The following CC2D2A variants were observed in gnomAD, a reference collection of about 807,000 sequenced individuals.
The protein encoded by CC2D2A is coiled-coil and C2 domain-containing protein 2A.
In CC2D2A, 155 loss-of-function variants were observed where a neutral mutation model predicts 212.9. The observed-to-expected ratio is 0.73, with a 90% CI of 0.64 to 0.83. The LOEUF (loss-of-function observed/expected upper bound fraction) is 0.83, where lower values mean the gene tolerates loss of function less well. Ranked by LOEUF, CC2D2A falls within the 40% of genes least tolerant of loss-of-function variation. The probability of loss-of-function intolerance (pLI) is 0.00; values close to 1 mark genes in which losing one functional copy is unlikely to be tolerated. For synonymous variants in CC2D2A, 667 were observed against 686.5 expected (o/e 0.97, Z 0.44); for missense variants, 1,856 against 1,956.2 (o/e 0.95, Z 0.97).
intron 6 of CC2D2A, 81 bp from the exon 7 acceptor site, chr4:15,510,057 TG>T (rs915368131): frequency 2.5e-5 from 25 of 999,262 alleles, no homozygotes; most frequent in South Asian, 4.3e-5. Flanking sequence ...GCCTTTGGGA[TG>T]GGGGGGTTAA....
intron 16 of CC2D2A, among the ~76,000 whole-genome samples, chr4:15,540,135 CA>C (rs1271886928): frequency 6.6e-6 from 1 of 151,712 alleles, no homozygotes; most frequent in Non-Finnish European, 1.5e-5. Context: ...ACCCCTCCCC[CA>C]AAAAAAACCT....
At chr4:15,508,754 T>A (rs1290855678) in intron 6 of CC2D2A, among the ~76,000 whole-genome samples, 2 of 152,194 alleles carry the variant, frequency 1.3e-5, no homozygotes, top group African/African-American at 4.8e-5. Context: ...AGGTCCCCAG[T>A]GAAGATGGCA....
intron 28 of CC2D2A, among the ~76,000 whole-genome samples, chr4:15,571,357 A>C (rs1720153001): frequency 6.6e-6 from 1 of 152,230 alleles, no homozygotes; most frequent in South Asian, 2.1e-4. Context: ...ACAACTCTTG[A>C]ATGACTTAGT....
intron 23 of CC2D2A, chr4:15,561,537 G>GT (rs148306182): frequency 0.076 from 11,400 of 149,364 alleles, 548 homozygotes; most frequent in Non-Finnish European, 0.11. Context: ...TTTTCATATT[G>GT]TTTTTTTTTT....
intron 24 of CC2D2A, among the ~76,000 whole-genome samples, chr4:15,566,649 G>A (rs1719893457): frequency 6.6e-6 from 1 of 152,090 alleles, no homozygotes; most frequent in African/African-American, 2.4e-5. Flanking sequence ...TGTCACCACA[G>A]CCACCAGGGC....
chr4:15,492,612 G>C (rs1233831982), intron 4 of CC2D2A: 3 of 439,688 alleles, frequency 6.8e-6, no homozygotes, highest in African/African-American at 6.0e-5. Context: ...GAAATTGTGA[G>C]GAGGGGAGAT....
At chr4:15,558,597 GA>G (rs1342167422) in intron 21 of CC2D2A, among the ~76,000 whole-genome samples, 14 of 151,940 alleles carry the variant, frequency 9.2e-5, no homozygotes, top group Admixed American at 9.2e-4. Context: ...TCAGCCAGCA[GA>G]GGTGTGTCCC....
At chr4:15,476,054 G>T in intron 2 of CC2D2A, 83 bp downstream of exon 2, 1 of 1,185,992 alleles carries the variant, frequency 8.4e-7, no homozygotes, top group Non-Finnish European at 1.2e-6. Flanking sequence ...GAGGAAGTTA[G>T]GCCAACCAGC....
chr4:15,493,506 C>T (rs553869983), intron 4 of CC2D2A, among the ~76,000 whole-genome samples: 1 of 152,262 alleles, frequency 6.6e-6, no homozygotes, highest in African/African-American at 2.4e-5. Flanking sequence ...CTCCTGAGCT[C>T]AAGCAATCTG....
At position 15,476,137 on chromosome 4, in the gene CC2D2A, T is replaced by C. The variant is rs144745158; in HGVS notation, c.39+166T>C. Among the ~76,000 whole-genome samples the C allele has an allele frequency of 3.5e-4, 54 of 152,294 alleles. 1 individual carries two copies. In the East Asian group the frequency reaches 0.01, roughly 29 times the overall value. ...CAGAGTCTAATTGTACAAAGAACGATTTGTGAATTGGGCAGCCCTCAGAAC... is the reference window on the plus strand; with the variant it reads ...CAGAGTCTAATTGTACAAAGAACGACTTGTGAATTGGGCAGCCCTCAGAAC... On this transcript the variant is annotated intron_variant, in intron 2 of 36. Coordinates refer to ENST00000424120, the MANE Select transcript of CC2D2A (RefSeq NM_001378615.1).
chr4:15,557,386 A>G lies in CC2D2A; in HGVS notation c.2708A>G (p.Gln903Arg), dbSNP rs763984077. ...LQQEFNFVSD[Q>R]ELNRSKRFRL... ...CAGGAGTTTAACTTTGTTTCAGATC[A>G]AGAATTAAATAGATCCAAACGATTT... Residue 903 changes from glutamine (Q) to arginine (R), a missense_variant, in exon 21 of 37, where the codon CAA becomes CGA. By Grantham distance (43) the Gln-to-Arg change is conservative. Coordinates refer to ENST00000424120, the MANE Select transcript of CC2D2A (RefSeq NM_001378615.1). The G allele has an allele frequency of 3.8e-5, 62 of 1,613,676 alleles. No individual in the cohort carries two copies. The East Asian group carries it at 1.3e-3, about 35-fold the overall frequency.
At chr4:15,500,103 G>GTATATATATATATA (rs1417025229) in intron 4 of CC2D2A, among the ~76,000 whole-genome samples, 2 of 73,160 alleles carry the variant, frequency 2.7e-5, no homozygotes, top group South Asian at 5.2e-4. Context: ...GTGTGTGTGT[G>GTATATATATATATA]TGTGTATATA....
intron 20 of CC2D2A, 49 bp downstream of exon 20, chr4:15,555,259 C>A: frequency 1.3e-6 from 2 of 1,593,826 alleles, no homozygotes; most frequent in Non-Finnish European, 1.7e-6. Flanking sequence ...GCCTTTTACA[C>A]AATTTTCCTT....
At chr4:15,482,661 G>T (rs910913855) in intron 4 of CC2D2A, among the ~76,000 whole-genome samples, 1 of 152,096 alleles carries the variant, frequency 6.6e-6, no homozygotes, top group South Asian at 2.1e-4. Context: ...GTCAGATTGG[G>T]GGAGAAGGCT....
chr4:15,601,277 A>C lies in CC2D2A; in HGVS notation c.4715A>C (p.Lys1572Thr). The change falls in exon 37 of 37, where the codon AAG becomes ACG. Residue 1572 changes from lysine (K) to threonine (T), a missense_variant. This residue lies in a region of CC2D2A where 285 missense variants were observed against 278.4 expected (regional missense o/e 1.02). Transcript: ENST00000424120. The part of the protein sequence containing the change: ...FPLHMPYSEV[K>T]PLIDAVYSTG... ...CTTCACATGCCTTATTCTGAAGTGA[A>C]GCCTTTAATTGACGCTGTGTATAGT... 6.2e-7 allele frequency: 1 copy of C among 1,613,156 alleles called. No homozygotes were observed. Among genetic ancestry groups the C allele is most frequent in the East Asian group, 2.2e-5 (1 of 44,808 alleles).
In CC2D2A at chr4:15,583,185, T is replaced by A. The variant is rs138198872; in HGVS notation, c.3976-2972T>A. ...TGAATTGGGTATAGAAGGAACATAT[T>A]TCAACACAATAAAGGTCATAAATGA... On this transcript the variant is annotated intron_variant, in intron 30 of 36. Coordinates refer to ENST00000424120, the MANE Select transcript of CC2D2A (RefSeq NM_001378615.1). Among the ~76,000 whole-genome samples, 436 of 152,228 alleles carry A rather than the reference T, an allele frequency of 2.9e-3. 6 individuals are homozygous for A. Among genetic ancestry groups the A allele is most frequent in the African/African-American group, 0.01 (423 of 41,544 alleles).
chr4:15,563,489 C>T lies in CC2D2A; in HGVS notation c.3149C>T (p.Ala1050Val). The change falls in exon 24 of 37, where the codon GCT becomes GTT. Residue 1050 changes from alanine (A) to valine (V), a missense_variant. Ala to Val is a moderately conservative substitution (Grantham distance 64). This residue lies in a region of CC2D2A where 1,512 missense variants were observed against 1,579.3 expected (regional missense o/e 0.96). Transcript: ENST00000424120. ...DIKLLVNIVR[A>V]YDIPVRKPAV... is the part of the protein sequence containing the mutation. The stretch of plus-strand genomic sequence containing the variant: ...AAGCTGCTGGTGAACATTGTGCGAG[C>T]TTACGACATTCCAGTGAGGAAGCCG... 2 of 1,612,472 alleles carry T rather than the reference C, an allele frequency of 1.2e-6. No individual in the cohort carries two copies. Among genetic ancestry groups the T allele is most frequent in the South Asian group, 1.1e-5 (1 of 90,590 alleles).
chr4:15,549,044 CTA>C (rs1718861730), intron 17 of CC2D2A, among the ~76,000 whole-genome samples: 1 of 151,928 alleles, frequency 6.6e-6, no homozygotes, highest in Admixed American at 6.5e-5. Context: ...TTAAAAATAT[CTA>C]TTATAGATAC....
chr4:15,535,990 A>C (rs1324926327), intron 14 of CC2D2A, among the ~76,000 whole-genome samples: 1 of 152,176 alleles, frequency 6.6e-6, no homozygotes, highest in Non-Finnish European at 1.5e-5. Flanking sequence ...GGAACCTTTC[A>C]CACTTATTTA....
Sources: gnomAD v4.1 joint callset for allele counts (sites outside exome capture counted in the v4.1 genomes callset) on GRCh38, gnomAD v4.1.1 for gene constraint, gnomAD v4.1.1 regional missense constraint, MANE v1.5 for transcripts, NCBI Gene and HGNC (gene_info 2026-07-23, HGNC 2026-07-21) for gene names.